EPHB4: variants seen among roughly 807,000 people sequenced by gnomAD.
The protein encoded by EPHB4 is ephrin type-B receptor 4.
A neutral mutation model predicts 110.6 loss-of-function variants in EPHB4; 50 were observed. The observed-to-expected ratio is 0.45, with a 90% CI of 0.36 to 0.57. The LOEUF is 0.57. Ranked by LOEUF, EPHB4 falls within the 20% of genes least tolerant of loss-of-function variation. EPHB4 has a pLI of 0.00. For missense variants in EPHB4, 1,128 were observed against 1,382.1 expected (o/e 0.82, Z 2.91); for synonymous variants, 592 against 578.4 (o/e 1.02, Z -0.34).
chr7:100,823,322 T>C (rs314309), intron 3 of EPHB4, among the ~76,000 whole-genome samples: 90,690 of 151,718 alleles, frequency 0.6, 27,350 homozygotes, highest in Middle Eastern at 0.78. Flanking sequence ...TGCAAAGTCT[T>C]GAGCTGGAAA....
At chr7:100,807,690 G>A in intron 12 of EPHB4, 110 bp from the exon 13 acceptor site, 1 of 1,116,328 alleles carries the variant, frequency 9.0e-7, no homozygotes, top group East Asian at 2.5e-5. Flanking sequence ...CGCCCAGGCT[G>A]GAGTGCAGTG....
At chr7:100,814,155 C>T (rs1376306820) in intron 8 of EPHB4, 134 bp from the exon 9 acceptor site, 1 of 903,166 alleles carries the variant, frequency 1.1e-6, no homozygotes, top group African/African-American at 1.7e-5. Context: ...GGAGAGGACA[C>T]AAGCAGGCAA....
intron 8 of EPHB4, among the ~76,000 whole-genome samples, chr7:100,816,249 G>A (rs1223744546): frequency 6.6e-6 from 1 of 152,106 alleles, no homozygotes; most frequent in Admixed American, 6.6e-5. Flanking sequence ...TCAAAGCCCT[G>A]CAGGAAGCTT....
intron 16 of EPHB4, among the ~76,000 whole-genome samples, chr7:100,804,314 T>TC (rs1812766082): frequency 1.5e-5 from 2 of 137,392 alleles, no homozygotes; most frequent in Admixed American, 1.5e-4. Flanking sequence ...ATTTCTTTTT[T>TC]TTTTTTTTTT....
rs1421720116 is a variant in EPHB4 at position 100,819,943 on chromosome 7, A to G, written c.965-54T>C. 7 of 1,503,122 alleles carry G rather than the reference A, an allele frequency of 4.7e-6. No individual in the cohort carries two copies. The East Asian group carries it at 1.7e-4, about 37-fold the overall frequency. 93.1% of individuals were successfully genotyped at this position (1,503,122 alleles called of 1,614,324 possible). A position where few individuals can be genotyped will look rare whatever the true frequency, so the allele number is the denominator to read the frequency against. On this transcript the variant is annotated intron_variant, in intron 5 of 16. Coordinates refer to ENST00000358173, the MANE Select transcript of EPHB4 (RefSeq NM_004444.5). Reference sequence around the variant, plus strand: ...GCCGACCTGCTCTGCGGTGGTGGGGAGAGGGCAATGGAGGCACCAGCAGCC... The same window carrying G: ...GCCGACCTGCTCTGCGGTGGTGGGGGGAGGGCAATGGAGGCACCAGCAGCC...
chr7:100,803,228 T>C lies in EPHB4; in HGVS notation c.*233A>G, dbSNP rs1812735687. ...CTTTTCCTCTGGTCACACCCAGTCC[T>C]GAGGGAAAGGCGCCCTCACCCTTGG... is the stretch of plus-strand genomic sequence containing the variant. On this transcript the variant is annotated 3_prime_UTR_variant, in exon 17 of 17. Transcript: ENST00000358173. The C allele has an allele frequency of 4.7e-6, 2 of 429,196 alleles. No homozygotes were observed. Among genetic ancestry groups the C allele is most frequent in the Admixed American group, 7.8e-5 (2 of 25,672 alleles). The allele number at this position is 429,196 out of a possible 1,614,324, so 26.6% of individuals were successfully genotyped here.
At chr7:100,816,165 CA>C (rs370263194) in intron 8 of EPHB4, among the ~76,000 whole-genome samples, 13,556 of 141,008 alleles carry the variant, frequency 0.096, 702 homozygotes, top group African/African-American at 0.14. Flanking sequence ...GACTCCGTCT[CA>C]AAAAAAAAAA....
chr7:100,819,956 G>C lies in EPHB4; in HGVS notation c.965-67C>G. 6.1e-6 allele frequency: 9 copies of C among 1,486,210 alleles called. No individual in the cohort carries two copies. In the South Asian group the frequency reaches 1.2e-4, roughly 20 times the overall value. The allele number at this position is 1,486,210 out of a possible 1,614,324, so 92.1% of individuals were successfully genotyped here. On this transcript the variant is annotated intron_variant, in intron 5 of 16. Coordinates refer to ENST00000358173, the MANE Select transcript of EPHB4 (RefSeq NM_004444.5). ...GCGGTGGTGGGGAGAGGGCAATGGA[G>C]GCACCAGCAGCCATGCTGGACTCTT...
Position 100,824,292 on chromosome 7 carries a change from CAG to C in EPHB4, c.53-21_53-20del. The C allele has an allele frequency of 1.9e-6, 3 of 1,613,334 alleles. No homozygotes were observed. Among genetic ancestry groups the C allele is most frequent in the African/African-American group, 1.3e-5 (1 of 74,846 alleles). ...AGGGTCTCTGAGACAGACAGAGAGACAGAGTCAGTGCCTGGGGTGGGGGAGGG... is the reference window on the plus strand; with the variant it reads ...AGGGTCTCTGAGACAGACAGAGAGACAGTCAGTGCCTGGGGTGGGGGAGGG... On this transcript the variant is annotated intron_variant, in intron 1 of 16. Transcript: ENST00000358173.
chr7:100,804,939 T>C (rs979526359), intron 16 of EPHB4, among the ~76,000 whole-genome samples: 6 of 152,300 alleles, frequency 3.9e-5, no homozygotes, highest in African/African-American at 1.4e-4. Flanking sequence ...AGGGCTGTGA[T>C]GGCAGGAGGA....
At chr7:100,816,351 T>G (rs1005535172) in intron 8 of EPHB4, among the ~76,000 whole-genome samples, 3 of 151,468 alleles carry the variant, frequency 2.0e-5, no homozygotes, top group East Asian at 3.9e-4. Flanking sequence ...TTTTTTTTTT[T>G]GAGACAGAGT....
chr7:100,827,046 G>T lies in EPHB4; in HGVS notation c.-16C>A. On this transcript the variant is annotated 5_prime_UTR_variant, in exon 1 of 17. Transcript: ENST00000358173. ...GGAGCTCCATGGCGCCGCCTCACTC[G>T]GGTAGGATCCGAACTGAGTTTGGGG... 6.3e-7 allele frequency: 1 copy of T among 1,575,182 alleles called. No individual in the cohort carries two copies. The highest frequency in any genetic ancestry group is 8.6e-7 in the Non-Finnish European group (1 of 1,160,740).
intron 12 of EPHB4, among the ~76,000 whole-genome samples, chr7:100,809,159 T>C (rs1812877455): frequency 5.3e-5 from 8 of 152,056 alleles, no homozygotes; most frequent in Admixed American, 5.3e-4. Flanking sequence ...CAGGCTGGAG[T>C]AAAGTGGCGT....
In EPHB4 at chr7:100,812,981, C is replaced by T; in HGVS notation, c.1884G>A (p.Glu628=). 1 of 1,613,678 alleles carries T rather than the reference C, an allele frequency of 6.2e-7. No individual in the cohort carries two copies. The highest frequency in any genetic ancestry group is 8.5e-7 in the Non-Finnish European group (1 of 1,179,712). Residue 628 remains glutamate (E), a synonymous_variant, in exon 12 of 17, where the codon GAG becomes GAA. Transcript: ENST00000358173. ...GGGCCTTGAGCCGCCCCCGGCACACCTCGCCAAACTCACCTTCAAACAAGG... is the reference window on the plus strand; with the variant it reads ...GGGCCTTGAGCCGCCCCCGGCACACTTCGCCAAACTCACCTTCAAACAAGG... The part of the protein sequence containing the change: ...EEVIGAGEFG[E]VCRGRLKAPG...
Position 100,819,830 on chromosome 7 carries a change from C to G in EPHB4, c.1024G>C (p.Glu342Gln). 6.4e-7 allele frequency: 1 copy of G among 1,557,148 alleles called. No homozygotes were observed. The highest frequency in any genetic ancestry group is 1.2e-5 in the South Asian group (1 of 85,260). ...CCAGACTCCAGGGGGGCACTCCATTCCAGGTGCAGGGAGGAGCCGTTCAGG... is the reference window on the plus strand; with the variant it reads ...CCAGACTCCAGGGGGGCACTCCATTGCAGGTGCAGGGAGGAGCCGTTCAGG... Reference protein sequence around the residue: ...SRLNGSSLHLEWSAPLESGGR... With the variant: ...SRLNGSSLHLQWSAPLESGGR... The change falls in exon 6 of 17, where the codon GAA (glutamate) becomes CAA (glutamine). Residue 342 changes from glutamate to glutamine, a missense_variant. This residue lies in a region of EPHB4 where 728 missense variants were observed against 828.6 expected (regional missense o/e 0.88). Transcript: ENST00000358173.
At chr7:100,823,127 T>C (rs933983199) in intron 3 of EPHB4, among the ~76,000 whole-genome samples, 5 of 151,930 alleles carry the variant, frequency 3.3e-5, no homozygotes, top group Admixed American at 6.6e-5. Context: ...TTTAAAAATA[T>C]AGATATAAAA....
intron 12 of EPHB4, among the ~76,000 whole-genome samples, chr7:100,810,779 T>C (rs1404755038): frequency 6.6e-6 from 1 of 151,852 alleles, no homozygotes; most frequent in African/African-American, 2.4e-5. Context: ...AATAACCAGG[T>C]ACAAAGCCCG....
chr7:100,820,784 C>A (rs948144810), intron 4 of EPHB4, among the ~76,000 whole-genome samples: 8 of 152,104 alleles, frequency 5.3e-5, no homozygotes, highest in African/African-American at 1.9e-4. Flanking sequence ...TAACATATAG[C>A]AGCAAGTCTC....
intron 15 of EPHB4, 69 bp downstream of exon 15, chr7:100,805,432 A>C (rs576480755): frequency 1.3e-6 from 2 of 1,562,420 alleles, no homozygotes; most frequent in East Asian, 4.5e-5. Context: ...AACACCAATG[A>C]ACGGACACTT....
Sources: allele counts gnomAD v4.1 joint callset (sites outside exome capture counted in the v4.1 genomes callset), GRCh38; gene constraint gnomAD v4.1.1; regional missense constraint gnomAD v4.1.1; transcripts MANE v1.5; gene names NCBI Gene and HGNC (gene_info 2026-07-23, HGNC 2026-07-21).